ARSG: variants seen among roughly 807,000 people sequenced by gnomAD.
ARSG encodes ASG.
In ARSG, 37 loss-of-function variants were observed where a neutral mutation model predicts 50.5. The ratio of observed to expected loss-of-function variants is 0.73; its 90% confidence interval spans 0.56 to 0.96. ARSG has a LOEUF of 0.96. Among genes scored for constraint, ARSG ranks in the 50% least tolerant of loss-of-function variants. ARSG has a pLI of 0.00. For synonymous variants in ARSG, 225 were observed against 254.6 expected (o/e 0.88, Z 1.11); for missense variants, 629 against 675.3 (o/e 0.93, Z 0.76).
Position 68,273,936 on chromosome 17 carries a change from T to C in ARSG, c.-552+14510T>C, listed in dbSNP as rs139998385. Reference sequence around the variant, plus strand: ...AAAGAGGAACACTTACCAGAGATGATGCCGATGGCGACGTACATATGAGAA... The same window carrying C: ...AAAGAGGAACACTTACCAGAGATGACGCCGATGGCGACGTACATATGAGAA... On this transcript the variant is annotated intron_variant, in intron 1 of 11. Coordinates refer to the ARSG transcript ENST00000448504. 23 of 1,614,028 alleles carry C rather than the reference T, an allele frequency of 1.4e-5. No homozygotes were observed. The African/African-American group carries it at 2.9e-4, about 21-fold the overall frequency.
At chr17:68,434,226 T>G in the ARSG span, among the ~76,000 whole-genome samples, 2 of 152,152 alleles carry the variant, frequency 1.3e-5, no homozygotes, top group Non-Finnish European at 2.9e-5. Flanking sequence ...ACAGTCACAC[T>G]TTACATCGTC....
At chr17:68,329,787 C>CT (rs781600676) in intron 2 of ARSG, among the ~76,000 whole-genome samples, 36 of 152,122 alleles carry the variant, frequency 2.4e-4, no homozygotes, top group Non-Finnish European at 4.6e-4. Context: ...ATAAAATACT[C>CT]TAACATTAAC....
chr17:68,357,927 G>T (rs1048513561), intron 6 of ARSG, among the ~76,000 whole-genome samples: 4 of 152,206 alleles, frequency 2.6e-5, no homozygotes, highest in South Asian at 4.1e-4. Context: ...CAAAAGGCTG[G>T]GGGTGGTAGC....
intron 2 of ARSG, among the ~76,000 whole-genome samples, chr17:68,308,952 G>C (rs2076725802): frequency 6.6e-6 from 1 of 152,258 alleles, no homozygotes; most frequent in Non-Finnish European, 1.5e-5. Context: ...ACTGGGCGCT[G>C]TGGAGCAGGG....
chr17:68,356,090 C>A (rs574734119), intron 5 of ARSG, among the ~76,000 whole-genome samples: 10 of 152,084 alleles, frequency 6.6e-5, no homozygotes, highest in Non-Finnish European at 1.5e-4. Context: ...CCCTGCTGGC[C>A]AGGCTGGTCT....
chr17:68,426,254 G>GGGCCCCCC, downstream of ARSG: 3 of 816,880 alleles, frequency 3.7e-6, no homozygotes, highest in Non-Finnish European at 5.8e-6. Context: ...GGGAGCGGGG[G>GGGCCCCCC]CTCAAATAAA....
At chr17:68,385,721 G>A (rs911715499) in intron 9 of ARSG, among the ~76,000 whole-genome samples, 1 of 152,124 alleles carries the variant, frequency 6.6e-6, no homozygotes, top group Non-Finnish European at 1.5e-5. Context: ...AGAAAAGGCG[G>A]CAGCAGCAGC....
Position 68,347,148 on chromosome 17 carries a change from G to C in ARSG, c.430G>C (p.Gly144Arg). Residue 144 changes from glycine (G) to arginine (R), a missense_variant, in exon 4 of 12, where the codon GGC becomes CGC. Coordinates refer to ENST00000621439, the MANE Select transcript of ARSG (RefSeq NM_001267727.2). ...AGGCAAATGGCATCTTGGACACCAC[G>C]GCTCTTATCACCCCAACTTCCGTGG... Reference protein sequence around the residue: ...IIGKWHLGHHGSYHPNFRGFD... With the variant: ...IIGKWHLGHHRSYHPNFRGFD... 1 of 1,614,042 alleles carries C rather than the reference G, an allele frequency of 6.2e-7. No homozygotes were observed. Among genetic ancestry groups the C allele is most frequent in the Non-Finnish European group, 8.5e-7 (1 of 1,179,978 alleles).
rs568245615 is a variant in ARSG, at chr17:68,308,091, C to T, written c.218+380C>T. On this transcript the variant is annotated intron_variant, in intron 2 of 11. Coordinates refer to ENST00000621439, the MANE Select transcript of ARSG (RefSeq NM_001267727.2). ...GACTCAGGTGGGAGGTTCACCTGAG[C>T]CCATGATTTTGGGACCAGCTTGGGC... Among the ~76,000 whole-genome samples the T allele has an allele frequency of 3.9e-5, 6 of 152,128 alleles. No homozygotes were observed. In the South Asian group the frequency reaches 1.2e-3, roughly 32 times the overall value.
At chr17:68,442,202 G>A in the ARSG span, among the ~76,000 whole-genome samples, 1 of 152,128 alleles carries the variant, frequency 6.6e-6, no homozygotes, top group Non-Finnish European at 1.5e-5. Flanking sequence ...GCTGACTCAT[G>A]CCTATAATTC....
intron 2 of ARSG, among the ~76,000 whole-genome samples, chr17:68,323,244 A>T (rs1216169914): frequency 1.3e-5 from 2 of 152,174 alleles, no homozygotes; most frequent in African/African-American, 4.8e-5. Flanking sequence ...CCTCACTTAC[A>T]TATGAGTAAA....
downstream of ARSG, chr17:68,422,147 G>T: frequency 3.9e-6 from 1 of 256,972 alleles, no homozygotes; most frequent in Non-Finnish European, 7.7e-6. Flanking sequence ...GTCAGTTTAG[G>T]CTGGGCGCGG....
At chr17:68,365,298 C>T (rs780416025) in intron 6 of ARSG, among the ~76,000 whole-genome samples, 35 of 152,114 alleles carry the variant, frequency 2.3e-4, no homozygotes, top group Non-Finnish European at 8.8e-5. Flanking sequence ...GGAGACAGAG[C>T]GAGACTCCGT....
chr17:68,382,154 T>A (rs1246055643), intron 8 of ARSG, among the ~76,000 whole-genome samples: 1 of 152,120 alleles, frequency 6.6e-6, no homozygotes, highest in Non-Finnish European at 1.5e-5. Flanking sequence ...TTTCACCATG[T>A]TAGGCTGGTC....
chr17:68,346,958 G>A (rs771473880), intron 3 of ARSG, 167 bp from the exon 4 acceptor site: 25 of 1,522,212 alleles, frequency 1.6e-5, no homozygotes, highest in South Asian at 1.1e-4. Flanking sequence ...ACACCGTCTC[G>A]GCCCCAGAGA....
chr17:68,294,355 C>T (rs2076130740), intron 1 of ARSG, among the ~76,000 whole-genome samples: 2 of 152,208 alleles, frequency 1.3e-5, no homozygotes. Context: ...CCTGCCTGTT[C>T]TCTGTCCACG....
rs8067223 is a variant in ARSG at position 68,369,900 on chromosome 17, G to A, written c.902-544G>A. On this transcript the variant is annotated intron_variant, in intron 7 of 11. Coordinates refer to ENST00000621439, the MANE Select transcript of ARSG (RefSeq NM_001267727.2). Reference sequence around the variant, plus strand: ...AAGGCAAGGAAGGCAAGAGGCTCACGATGGGACTGGGTTGGGGCAGGAAAA... The same window carrying A: ...AAGGCAAGGAAGGCAAGAGGCTCACAATGGGACTGGGTTGGGGCAGGAAAA... Among the ~76,000 whole-genome samples the A allele has an allele frequency of 9.2e-5, 14 of 152,334 alleles. No individual in the cohort carries two copies. In the South Asian group the frequency reaches 1.2e-3, roughly 14 times the overall value.
chr17:68,271,495 G>A lies in ARSG; in HGVS notation c.-552+12069G>A, dbSNP rs781980063. 3.9e-5 allele frequency: 63 copies of A among 1,614,024 alleles called. No homozygotes were observed. Among genetic ancestry groups the A allele is most frequent in the Non-Finnish European group, 4.9e-5 (58 of 1,180,036 alleles). ...TTTCTCATTTTCAAGCATATACTGC[G>A]CTTCTTTCCGATTTTCCTGGATGAC... On this transcript the variant is annotated intron_variant, in intron 1 of 11. Transcript: ENST00000448504. This position sits in a 1 kb window ranked among gnomAD's most constrained non-coding sequence, Gnocchi z 5.3.
At chr17:68,379,718 T>C (rs2080337065) in intron 8 of ARSG, 1 of 580,448 alleles carries the variant, frequency 1.7e-6, no homozygotes, top group Non-Finnish European at 2.2e-6. Flanking sequence ...TTATGGGCAG[T>C]GTTAGGAATT....
Sources: gnomAD v4.1 joint callset for allele counts (sites outside exome capture counted in the v4.1 genomes callset) on GRCh38, gnomAD v4.1.1 for gene constraint, Gnocchi (gnomAD v3.1) non-coding constraint, MANE v1.5 for transcripts, NCBI Gene and HGNC (gene_info 2026-07-23, HGNC 2026-07-21) for gene names.